Variants in SVEP1 observed in about 807,000 individuals in gnomAD.
SVEP1 encodes the protein sushi, von Willebrand factor type A, EGF and pentraxin domain containing 1, also known as sushi, von Willebrand factor type A, EGF and pentraxin domain-containing protein 1.
SVEP1 carries 164 observed loss-of-function variants against 367.3 expected under a neutral mutation model. The observed-to-expected ratio is 0.45, with a 90% CI of 0.39 to 0.51. The LOEUF is 0.51. Ranked by LOEUF, SVEP1 falls within the 20% of genes least tolerant of loss-of-function variation. SVEP1 has a pLI of 0.00. For missense variants in SVEP1, 4,117 were observed against 4,425.3 expected (o/e 0.93, Z 1.98); for synonymous variants, 1,666 against 1,611.6 (o/e 1.03, Z -0.81).
At chr9:110,395,049 G>T (rs905879510) in intron 40 of SVEP1, among the ~76,000 whole-genome samples, 28 of 152,274 alleles carry the variant, frequency 1.8e-4, no homozygotes, top group African/African-American at 6.3e-4. Flanking sequence ...ACACATAATT[G>T]TCAGATTCAC....
intron 27 of SVEP1, among the ~76,000 whole-genome samples, chr9:110,441,283 T>C (rs1828506258): frequency 1.3e-5 from 2 of 152,226 alleles, no homozygotes; most frequent in East Asian, 1.9e-4. Flanking sequence ...AGCCTCTATA[T>C]TAATCTCCCA....
chr9:110,402,339 T>C (rs1827876957), intron 39 of SVEP1, among the ~76,000 whole-genome samples: 1 of 152,154 alleles, frequency 6.6e-6, no homozygotes, highest in African/African-American at 2.4e-5. Flanking sequence ...TGGTCCTCTT[T>C]CAGTATTCAT....
At chr9:110,442,078 T>C (rs1040669184) in intron 27 of SVEP1, among the ~76,000 whole-genome samples, 2 of 152,238 alleles carry the variant, frequency 1.3e-5, no homozygotes, top group Non-Finnish European at 2.9e-5. Context: ...AATTAGTGCC[T>C]GATCACCCTG....
In SVEP1 at chr9:110,482,460, G is replaced by T. The variant is rs1362447608; in HGVS notation, c.2071C>A (p.Gln691Lys). The change falls in exon 11 of 48, where the codon CAA (glutamine) becomes AAA (lysine). Residue 691 changes from glutamine to lysine, a missense_variant. Transcript: ENST00000374469. ...AELVITRSHT[Q>K]GDLFPQGETI... ...TCCCCTTGAGGGAAAAGGTCTCCTTGTGTATGACTTCTGGTAATGACCAAT... is the reference window on the plus strand; with the variant it reads ...TCCCCTTGAGGGAAAAGGTCTCCTTTTGTATGACTTCTGGTAATGACCAAT... 5.7e-6 allele frequency: 9 copies of T among 1,586,934 alleles called. No individual in the cohort carries two copies. The highest frequency in any genetic ancestry group is 5.3e-5 in the African/African-American group (4 of 74,808).
At chr9:110,465,769 T>A in intron 18 of SVEP1, 96 bp downstream of exon 18, 1 of 1,389,836 alleles carries the variant, frequency 7.2e-7, no homozygotes, top group Non-Finnish European at 9.7e-7. Context: ...ATTCTGTGCA[T>A]AGAGTAGATG....
At chr9:110,386,225 A>G (rs1827519887) in intron 42 of SVEP1, among the ~76,000 whole-genome samples, 151 bp from the exon 43 acceptor site, 1 of 152,196 alleles carries the variant, frequency 6.6e-6, no homozygotes, top group Admixed American at 6.5e-5. Context: ...TTAGACACAG[A>G]CTTGTTTTGC....
At chr9:110,575,914 G>A (rs755708429) in intron 1 of SVEP1, among the ~76,000 whole-genome samples, 2 of 152,150 alleles carry the variant, frequency 1.3e-5, no homozygotes, top group East Asian at 3.9e-4. Flanking sequence ...ATAGGGAAAT[G>A]CAATTTAAAA....
intron 30 of SVEP1, 141 bp from the exon 31 acceptor site, chr9:110,432,776 G>A (rs1828371348): frequency 3.2e-6 from 3 of 932,554 alleles, no homozygotes; most frequent in East Asian, 5.1e-5. Flanking sequence ...CCTAGGGATA[G>A]CAGCAGCCTG....
At chr9:110,395,859 C>T (rs1226425143) in intron 40 of SVEP1, among the ~76,000 whole-genome samples, 1 of 152,092 alleles carries the variant, frequency 6.6e-6, no homozygotes, top group Non-Finnish European at 1.5e-5. Context: ...GAAGCAAGTC[C>T]TTAGTGACCT....
At chr9:110,510,947 A>G (rs1352126172) in intron 5 of SVEP1, among the ~76,000 whole-genome samples, 1 of 152,232 alleles carries the variant, frequency 6.6e-6, no homozygotes, top group Non-Finnish European at 1.5e-5. Context: ...ACACATGAAC[A>G]GTAGCTTGCC....
chr9:110,512,860 TA>T (rs1345693600), intron 5 of SVEP1, 65 bp downstream of exon 5: 12 of 1,572,224 alleles, frequency 7.6e-6, no homozygotes, highest in Non-Finnish European at 1.0e-5. Context: ...ACTGGTTTAC[TA>T]GAGTTTAAAT....
At chr9:110,427,450 G>A in intron 36 of SVEP1, 141 bp downstream of exon 36, 1 of 963,188 alleles carries the variant, frequency 1.0e-6, no homozygotes, top group East Asian at 2.5e-5. Context: ...GTCTCTGCAG[G>A]TAGGAAATAA....
intron 1 of SVEP1, among the ~76,000 whole-genome samples, chr9:110,575,673 T>C (rs1428735071): frequency 6.6e-6 from 1 of 152,146 alleles, no homozygotes; most frequent in Non-Finnish European, 1.5e-5. Flanking sequence ...AAAACATTTG[T>C]TGCCATCACC....
rs557050295 is a variant in SVEP1 at position 110,423,273 on chromosome 9, C to T, written c.5975+4318G>A. Among the ~76,000 whole-genome samples, 104 of 150,378 alleles carry T rather than the reference C, an allele frequency of 6.9e-4. 1 individual carries two copies. The highest frequency in any genetic ancestry group is 2.4e-3 in the African/African-American group (100 of 40,954). On this transcript the variant is annotated intron_variant, in intron 36 of 47. Transcript: ENST00000374469. Reference sequence around the variant, plus strand: ...AGGGCAAAATACTATTAGTTTCTGACCAAGACTGTGTAATTCATGACTCTT... The same window carrying T: ...AGGGCAAAATACTATTAGTTTCTGATCAAGACTGTGTAATTCATGACTCTT...
In SVEP1 at chr9:110,408,826, C is replaced by T. The variant is rs1418257397; in HGVS notation, c.6774G>A (p.Met2258Ile). The T allele has an allele frequency of 6.2e-7, 1 of 1,613,352 alleles. No individual in the cohort carries two copies. Among genetic ancestry groups the T allele is most frequent in the East Asian group, 2.2e-5 (1 of 44,862 alleles). Reference sequence around the variant, plus strand: ...GTTTTCCACAGTCGAGAGGAACACACATCAGAGGGGATTCACTGTGCCAGT... The same window carrying T: ...GTTTTCCACAGTCGAGAGGAACACATATCAGAGGGGATTCACTGTGCCAGT... ...NRHWHSESPLMCVPLDCGKPP... is the reference protein window; with the variant it reads ...NRHWHSESPLICVPLDCGKPP... Residue 2258 changes from methionine to isoleucine, a missense_variant, in exon 38 of 48, where the codon ATG (methionine) becomes ATA (isoleucine). Met to Ile is a conservative substitution (Grantham distance 10, BLOSUM62 1). This residue lies in a region of SVEP1 where 1,765 missense variants were observed against 1,781.1 expected (regional missense o/e 0.99). Coordinates refer to ENST00000374469, the MANE Select transcript of SVEP1 (RefSeq NM_153366.4).
intron 47 of SVEP1, 44 bp downstream of exon 47, chr9:110,369,879 G>A: frequency 6.6e-7 from 1 of 1,516,674 alleles, no homozygotes; most frequent in Non-Finnish European, 9.0e-7. Flanking sequence ...TTGAATTTTA[G>A]AGTCTTCATG....
chr9:110,401,412 A>C (rs1208032036), intron 39 of SVEP1, among the ~76,000 whole-genome samples: 2 of 151,978 alleles, frequency 1.3e-5, no homozygotes. Context: ...TATGAGAAAC[A>C]GTAAATTTTA....
In SVEP1 at chr9:110,434,666, T is replaced by TAAAAAAAAAAAAAAAAAAAAAAAAAAA. The variant is rs71371668; in HGVS notation, c.4889-161_4889-160insTTTTTTTTTTTTTTTTTTTTTTTTTTT. On this transcript the variant is annotated intron_variant, in intron 29 of 47. Coordinates refer to ENST00000374469, the MANE Select transcript of SVEP1 (RefSeq NM_153366.4). The stretch of plus-strand genomic sequence containing the variant: ...CCAGATCACTGGCAAGCAAAATCAC[T>TAAAAAAAAAAAAAAAAAAAAAAAAAAA]AAAAAAAAAAAAAAAAAAAAGCATT... Among the ~76,000 whole-genome samples, 8 of 40,628 alleles carry TAAAAAAAAAAAAAAAAAAAAAAAAAAA rather than the reference T, an allele frequency of 2.0e-4. 1 individual carries two copies. Among genetic ancestry groups the TAAAAAAAAAAAAAAAAAAAAAAAAAAA allele is most frequent in the African/African-American group, 8.2e-4 (8 of 9,742 alleles). 26.7% of individuals were successfully genotyped at this position (40,628 alleles called of 152,430 possible).
chr9:110,548,395 G>A (rs1830245187), intron 2 of SVEP1, among the ~76,000 whole-genome samples: 1 of 152,148 alleles, frequency 6.6e-6, no homozygotes, highest in Non-Finnish European at 1.5e-5. Flanking sequence ...GTTATTGAGT[G>A]CTGAGTATAA....
Sources: allele counts gnomAD v4.1 joint callset (sites outside exome capture counted in the v4.1 genomes callset), GRCh38; gene constraint gnomAD v4.1.1; regional missense constraint gnomAD v4.1.1; transcripts MANE v1.5; gene names NCBI Gene and HGNC (gene_info 2026-07-23, HGNC 2026-07-21).